Variants in ENPP6 observed in about 807,000 individuals in gnomAD.
ENPP6 encodes the protein ectonucleotide pyrophosphatase/phosphodiesterase 6.
ENPP6 carries 32 observed loss-of-function variants against 42.0 expected under a neutral mutation model. That is an observed-to-expected ratio of 0.76 (90% CI 0.58 to 1.02). The LOEUF is 1.02. Among genes scored for constraint, ENPP6 ranks in the 50% least tolerant of loss-of-function variants. The probability of loss-of-function intolerance (pLI) is 0.00; values close to 1 mark genes in which losing one functional copy is unlikely to be tolerated. For synonymous variants in ENPP6, 213 were observed against 216.0 expected, an observed-to-expected ratio of 0.99 and a Z score of 0.12; for missense variants, 552 against 566.8, an observed-to-expected ratio of 0.97 and a Z score of 0.27.
intron 1 of ENPP6, among the ~76,000 whole-genome samples, chr4:184,156,626 A>G (rs10020224): frequency 0.54 from 82,295 of 152,026 alleles, 22,987 homozygotes; most frequent in East Asian, 0.87. Flanking sequence ...CACAATTGCA[A>G]GTGGTTTTCA....
In ENPP6 at chr4:184,141,505, T is replaced by G. The variant is rs558162983; in HGVS notation, c.421+12049A>C. 1.2e-3 allele frequency among the ~76,000 whole-genome samples: 181 copies of G among 152,350 alleles called. 1 individual carries two copies. In the South Asian group the frequency reaches 0.037, roughly 31 times the overall value. On this transcript the variant is annotated intron_variant, in intron 2 of 7. Coordinates refer to ENST00000296741, the MANE Select transcript of ENPP6 (RefSeq NM_153343.4). ...TAATCAGGGACTTGGGGCAAGATTT[T>G]GGTTTCATGACAACTTTGAGGGCGT...
At chr4:184,200,183 C>T (rs1732868758) in intron 1 of ENPP6, among the ~76,000 whole-genome samples, 1 of 152,220 alleles carries the variant, frequency 6.6e-6, no homozygotes, top group South Asian at 2.1e-4. Context: ...GTTCAAGACA[C>T]CCTTAGAGCC....
rs116226285 is a variant in ENPP6 at position 184,141,450 on chromosome 4, C to T, written c.421+12104G>A. Reference sequence around the variant, plus strand: ...TCTGTGGGGAAGGCGGCAACAAGGGCGATGGGCTGCCTTTCACAATTTCAA... The same window carrying T: ...TCTGTGGGGAAGGCGGCAACAAGGGTGATGGGCTGCCTTTCACAATTTCAA... On this transcript the variant is annotated intron_variant, in intron 2 of 7. Coordinates refer to ENST00000296741, the MANE Select transcript of ENPP6 (RefSeq NM_153343.4). 4.0e-3 allele frequency among the ~76,000 whole-genome samples: 605 copies of T among 152,326 alleles called. 7 individuals are homozygous for T. The highest frequency in any genetic ancestry group is 0.013 in the African/African-American group (561 of 41,568).
intron 2 of ENPP6, among the ~76,000 whole-genome samples, chr4:184,126,879 C>T (rs1348764955): frequency 3.9e-5 from 6 of 152,160 alleles, no homozygotes. Context: ...GAAATATGGT[C>T]TTTCTGGGGA....
intron 1 of ENPP6, among the ~76,000 whole-genome samples, chr4:184,190,005 C>T (rs1483129479): frequency 1.3e-5 from 2 of 152,202 alleles, no homozygotes; most frequent in Non-Finnish European, 2.9e-5. Flanking sequence ...AGAAGCATTG[C>T]CTTTTTATTT....
At chr4:184,153,389 G>T (rs913848597) in intron 2 of ENPP6, among the ~76,000 whole-genome samples, 165 bp downstream of exon 2, 1 of 152,136 alleles carries the variant, frequency 6.6e-6, no homozygotes, top group African/African-American at 2.4e-5. Context: ...CTCCCAAAGT[G>T]CTGGGATTAC....
intron 1 of ENPP6, among the ~76,000 whole-genome samples, chr4:184,187,222 G>T (rs1483000471): frequency 6.6e-6 from 1 of 152,224 alleles, no homozygotes; most frequent in African/African-American, 2.4e-5. Flanking sequence ...GCTGGGCCAA[G>T]GTCACCTGTT....
intron 2 of ENPP6, among the ~76,000 whole-genome samples, chr4:184,128,574 G>T (rs934923101): frequency 7.3e-6 from 1 of 137,346 alleles, no homozygotes; most frequent in Non-Finnish European, 1.5e-5. Context: ...TGACACAGAA[G>T]AATAGATATA....
At chr4:184,152,397 C>A (rs2038083872) in intron 2 of ENPP6, among the ~76,000 whole-genome samples, 1 of 152,056 alleles carries the variant, frequency 6.6e-6, no homozygotes, top group African/African-American at 2.4e-5. Flanking sequence ...ACACATCTCA[C>A]AACCCACCGC....
intron 1 of ENPP6, among the ~76,000 whole-genome samples, chr4:184,169,276 A>C (rs921134205): frequency 6.6e-6 from 1 of 151,822 alleles, no homozygotes; most frequent in Non-Finnish European, 1.5e-5. Context: ...CCGTGGCTCC[A>C]GGATCCAGGC....
At chr4:184,212,710 C>A (rs1262582518) in intron 1 of ENPP6, among the ~76,000 whole-genome samples, 58 of 151,866 alleles carry the variant, frequency 3.8e-4, no homozygotes, top group African/African-American at 1.3e-3. Flanking sequence ...GCTACCAATG[C>A]CTTTCTTCAC....
chr4:184,159,961 G>T (rs1737234656), intron 1 of ENPP6, among the ~76,000 whole-genome samples: 1 of 152,188 alleles, frequency 6.6e-6, no homozygotes, highest in Admixed American at 6.5e-5. Context: ...TTGCATCCAA[G>T]TTGCTGCTAA....
chr4:184,103,646 C>T (rs796884251), intron 6 of ENPP6, among the ~76,000 whole-genome samples: 16 of 152,318 alleles, frequency 1.1e-4, no homozygotes, highest in African/African-American at 3.1e-4. Context: ...TTATAAACCA[C>T]GCTTTCTCAT....
At chr4:184,119,611 C>T (rs575049007) in intron 3 of ENPP6, among the ~76,000 whole-genome samples, 3 of 152,122 alleles carry the variant, frequency 2.0e-5, no homozygotes, top group Non-Finnish European at 4.4e-5. Context: ...TCCGTTTTCC[C>T]ATCTGAAAAA....
intron 5 of ENPP6, among the ~76,000 whole-genome samples, chr4:184,113,115 A>G (rs1736231236): frequency 6.6e-6 from 1 of 152,212 alleles, no homozygotes; most frequent in African/African-American, 2.4e-5. Context: ...AAACTGGAAC[A>G]GCCCAAATGC....
At chr4:184,100,695 G>A (rs1381770056) in intron 6 of ENPP6, among the ~76,000 whole-genome samples, 1 of 152,214 alleles carries the variant, frequency 6.6e-6, no homozygotes, top group East Asian at 1.9e-4. Context: ...CTCAACTGGT[G>A]GGGAGGGAAT....
At chr4:184,097,464 C>G in intron 6 of ENPP6, 96 bp from the exon 7 acceptor site, 1 of 1,547,158 alleles carries the variant, frequency 6.5e-7, no homozygotes, top group Non-Finnish European at 8.7e-7. Flanking sequence ...GGGGCGCTTT[C>G]CTCCTCTGCG....
At chr4:184,143,992 C>T (rs79923875) in intron 2 of ENPP6, among the ~76,000 whole-genome samples, 26 of 152,296 alleles carry the variant, frequency 1.7e-4, no homozygotes, top group Non-Finnish European at 3.2e-4. Context: ...CCTCTAACAG[C>T]GCCCTGGATC....
Position 184,122,928 on chromosome 4 carries a change from C to T in ENPP6, c.533+1233G>A, listed in dbSNP as rs975340582. The stretch of plus-strand genomic sequence containing the variant: ...ACGTGCTGTGCTATTCTGCTTCACT[C>T]GCACAAAACTAGACTGCAGCGCAAT... On this transcript the variant is annotated intron_variant, in intron 3 of 7. Coordinates refer to ENST00000296741, the MANE Select transcript of ENPP6 (RefSeq NM_153343.4). Among the ~76,000 whole-genome samples the T allele has an allele frequency of 2.6e-5, 4 of 152,224 alleles. No individual in the cohort carries two copies. In the South Asian group the frequency reaches 6.2e-4, roughly 24 times the overall value.
Sources: allele counts gnomAD v4.1 joint callset (sites outside exome capture counted in the v4.1 genomes callset), GRCh38; gene constraint gnomAD v4.1.1; transcripts MANE v1.5; gene names NCBI Gene and HGNC (gene_info 2026-07-23, HGNC 2026-07-21).